UNC79: variants seen among roughly 807,000 people sequenced by gnomAD.
UNC79 encodes the protein protein unc-79 homolog.
UNC79 carries 37 observed loss-of-function variants against 283.1 expected under a neutral mutation model. The ratio of observed to expected loss-of-function variants is 0.13; its 90% confidence interval spans 0.10 to 0.17. The LOEUF is 0.17. Ranked by LOEUF, UNC79 falls within the 10% of genes least tolerant of loss-of-function variation. The pLI, the probability that UNC79 is intolerant of heterozygous loss-of-function variation, is 1.00. For synonymous variants in UNC79, 1,107 were observed against 1,200.2 expected, an observed-to-expected ratio of 0.92 and a Z score of 1.61; for missense variants, 2,272 against 3,211.1, an observed-to-expected ratio of 0.71 and a Z score of 7.07.
At chr14:93,390,445 G>A (rs1194932055) in intron 1 of UNC79, among the ~76,000 whole-genome samples, 1 of 152,156 alleles carries the variant, frequency 6.6e-6, no homozygotes, top group Non-Finnish European at 1.5e-5. Flanking sequence ...CTTCAATGTT[G>A]CACTGGAAGT....
At chr14:93,560,966 T>A (rs1347780804) in intron 14 of UNC79, among the ~76,000 whole-genome samples, 1 of 152,064 alleles carries the variant, frequency 6.6e-6, no homozygotes, top group African/African-American at 2.4e-5. Flanking sequence ...TCACTGTTAT[T>A]TATGGGGCTG....
intron 38 of UNC79, 145 bp downstream of exon 41, chr14:93,655,552 T>C: frequency 1.0e-6 from 1 of 991,630 alleles, no homozygotes; most frequent in Non-Finnish European, 1.5e-6. Context: ...GGATGCTTAT[T>C]TGGGTTGTTC....
chr14:93,689,625 A>G (rs2074530988), intron 44 of UNC79: 1 of 153,206 alleles, frequency 6.5e-6, no homozygotes, highest in African/African-American at 2.4e-5. Flanking sequence ...AGTAGCTGTA[A>G]TTACAGGCAT....
At chr14:93,626,665 A>G (rs2067593896) in intron 30 of UNC79, among the ~76,000 whole-genome samples, 1 of 152,172 alleles carries the variant, frequency 6.6e-6, no homozygotes. Context: ...ATACTAAAAC[A>G]TACTAATGAA....
chr14:93,661,474 A>G (rs2071596613), intron 39 of UNC79, among the ~76,000 whole-genome samples: 1 of 152,200 alleles, frequency 6.6e-6, no homozygotes, highest in Non-Finnish European at 1.5e-5. Flanking sequence ...AGAGATTGAG[A>G]AGTATTGGAA....
chr14:93,434,550 C>T (rs561614504), intron 1 of UNC79, among the ~76,000 whole-genome samples: 8 of 152,322 alleles, frequency 5.3e-5, no homozygotes, highest in Non-Finnish European at 7.4e-5. Context: ...ATTGACCAAT[C>T]GGGATCACCT....
At chr14:93,364,827 A>G (rs1252685568) in intron 1 of UNC79, among the ~76,000 whole-genome samples, 1 of 151,966 alleles carries the variant, frequency 6.6e-6, no homozygotes, top group East Asian at 1.9e-4. Flanking sequence ...TTTAGAAAAA[A>G]ATGGAAAGCT....
In UNC79 at chr14:93,487,573, A is replaced by T. The variant is rs1312208743; in HGVS notation, c.620-90A>T. The stretch of plus-strand genomic sequence containing the variant: ...CTTTATTGGAGCTATTTTTTTTTTT[A>T]AAGTTCCTTCTTATCTCTCATGCTC... On this transcript the variant is annotated intron_variant, in intron 4 of 48. Coordinates refer to ENST00000555664, the Ensembl canonical transcript of UNC79. 307 of 823,868 alleles carry T rather than the reference A, an allele frequency of 3.7e-4. No homozygotes were observed. Among genetic ancestry groups the T allele is most frequent in the South Asian group, 5.9e-4 (21 of 35,376 alleles). The allele number at this position is 823,868 out of a possible 1,614,324, so 51.0% of individuals were successfully genotyped here. A position where few individuals can be genotyped will look rare whatever the true frequency, so the allele number is the denominator to read the frequency against.
chr14:93,492,819 A>G (rs1249739108), intron 5 of UNC79, among the ~76,000 whole-genome samples: 1 of 152,184 alleles, frequency 6.6e-6, no homozygotes, highest in East Asian at 1.9e-4. Context: ...AGTGTCTTGG[A>G]ACATCTGCAC....
chr14:93,369,269 C>G (rs1186219010), intron 1 of UNC79, among the ~76,000 whole-genome samples: 1 of 152,198 alleles, frequency 6.6e-6, no homozygotes, highest in Non-Finnish European at 1.5e-5. Flanking sequence ...TTATACTGTT[C>G]TTCAACATAT....
chr14:93,445,619 T>G (rs1272352570), intron 1 of UNC79, among the ~76,000 whole-genome samples: 1 of 152,214 alleles, frequency 6.6e-6, no homozygotes, highest in Non-Finnish European at 1.5e-5. Flanking sequence ...TAAAATTGGC[T>G]TCATAAAATG....
intron 1 of UNC79, among the ~76,000 whole-genome samples, chr14:93,351,159 C>G (rs1321396164): frequency 2.6e-5 from 4 of 152,010 alleles, no homozygotes; most frequent in Admixed American, 1.3e-4. Flanking sequence ...TTTTCTTTGC[C>G]TTTTTGGTAC....
chr14:93,621,883 G>A lies in UNC79; in HGVS notation c.4650G>A (p.Gln1550=). The stretch of plus-strand genomic sequence containing the variant: ...CAAACGACCCTGGACGTTCTAGACA[G>A]AACTCTGCTACGAGGCCTGACAATA... The change falls in exon 30 of 49, where the codon CAG becomes CAA. Residue 1550 remains glutamine (Q), a synonymous_variant. Coordinates refer to ENST00000555664, the Ensembl canonical transcript of UNC79. The surrounding 1 kb of genome is among the most constrained non-coding windows in gnomAD (Gnocchi z 4.8). 1 of 1,614,120 alleles carries A rather than the reference G, an allele frequency of 6.2e-7. No homozygotes were observed. Among genetic ancestry groups the A allele is most frequent in the Non-Finnish European group, 8.5e-7 (1 of 1,180,024 alleles).
At chr14:93,641,360 C>A in intron 33 of UNC79, 113 bp downstream of exon 36, 1 of 1,005,106 alleles carries the variant, frequency 9.9e-7, no homozygotes, top group Non-Finnish European at 1.5e-6. Context: ...ATAATTTGTT[C>A]CTCCAGTATA....
At chr14:93,667,468 C>T (rs562293754) in intron 40 of UNC79, among the ~76,000 whole-genome samples, 3 of 152,046 alleles carry the variant, frequency 2.0e-5, no homozygotes, top group African/African-American at 7.2e-5. Context: ...GTACAATTTT[C>T]TAGAAATATA....
intron 1 of UNC79, among the ~76,000 whole-genome samples, chr14:93,337,278 C>CCT (rs2053599172): frequency 6.6e-6 from 1 of 152,246 alleles, no homozygotes; most frequent in Non-Finnish European, 1.5e-5. Flanking sequence ...GGTCTTGGCT[C>CCT]CTCTGAGAGC....
chr14:93,426,536 A>G (rs772368464), upstream of UNC79, among the ~76,000 whole-genome samples: 3 of 151,466 alleles, frequency 2.0e-5, no homozygotes, highest in Non-Finnish European at 4.4e-5. Context: ...GCCCCAGGCT[A>G]TGTTCCTTTT....
chr14:93,351,945 A>C (rs2053987002), intron 1 of UNC79, among the ~76,000 whole-genome samples: 1 of 152,210 alleles, frequency 6.6e-6, no homozygotes, highest in African/African-American at 2.4e-5. Context: ...TTTAAATGTT[A>C]ATCTCTTACA....
chr14:93,418,313 A>G (rs554893184), intron 1 of UNC79, among the ~76,000 whole-genome samples: 5 of 151,788 alleles, frequency 3.3e-5, no homozygotes, highest in Non-Finnish European at 7.4e-5. Context: ...GGGTACCAGC[A>G]GCGGTGGCTG....
Sources: gnomAD v4.1 joint callset for allele counts (sites outside exome capture counted in the v4.1 genomes callset) on GRCh38, gnomAD v4.1.1 for gene constraint, Gnocchi (gnomAD v3.1) non-coding constraint, MANE v1.5 for transcripts, NCBI Gene and HGNC (gene_info 2026-07-23, HGNC 2026-07-21) for gene names.